GOLGA1: variants seen among roughly 807,000 people sequenced by gnomAD.
GOLGA1 encodes golgin subfamily A member 1.
A neutral mutation model predicts 119.7 loss-of-function variants in GOLGA1; 63 were observed. The ratio of observed to expected loss-of-function variants is 0.53; its 90% CI spans 0.43 to 0.65. GOLGA1 has a LOEUF of 0.65. GOLGA1 is among the 30% of genes least tolerant of loss of function. The pLI, the probability that GOLGA1 is intolerant of heterozygous loss-of-function variation, is 0.00. For synonymous variants in GOLGA1, 318 were observed against 333.4 expected (o/e 0.95, Z 0.50); for missense variants, 798 against 912.8 (o/e 0.87, Z 1.62).
Position 124,888,511 on chromosome 9 carries a change from C to T in GOLGA1, c.1762-115G>A, listed in dbSNP as rs2131373848. The stretch of plus-strand genomic sequence containing the variant: ...CTTAGGTATGGGCGTTGTGCTCCAA[C>T]AGGCAACTGGCCAGGAAGCAATTCC... On this transcript the variant is annotated intron_variant, in intron 18 of 22. Transcript: ENST00000373555. This position sits in a 1 kb window ranked among gnomAD's most constrained non-coding sequence, Gnocchi z 4.4. 1.2e-6 allele frequency: 1 copy of T among 866,646 alleles called. No individual in the cohort carries two copies. The highest frequency in any genetic ancestry group is 1.8e-6 in the Non-Finnish European group (1 of 541,658). The allele number at this position is 866,646 out of a possible 1,614,324, so 53.7% of individuals were successfully genotyped here.
chr9:124,920,892 C>A (rs1830554203), intron 10 of GOLGA1, among the ~76,000 whole-genome samples: 1 of 150,524 alleles, frequency 6.6e-6, no homozygotes, highest in Admixed American at 6.6e-5. Context: ...TTTGAGTCGA[C>A]CAAATGGTGT....
At position 124,888,184 on chromosome 9, in the gene GOLGA1, TG is replaced by T; in HGVS notation, c.1905+68del. Reference sequence around the variant, plus strand: ...ACCACAAAAACCTCCAAGGATGGACTGGGTCATTTTAGGCCTGAGGGTGAGG... The same window carrying T: ...ACCACAAAAACCTCCAAGGATGGACTGGTCATTTTAGGCCTGAGGGTGAGG... On this transcript the variant is annotated intron_variant, in intron 19 of 22. Transcript: ENST00000373555. This position sits in a 1 kb window ranked among gnomAD's most constrained non-coding sequence, Gnocchi z 4.4. 6.9e-7 allele frequency: 1 copy of T among 1,446,662 alleles called. No homozygotes were observed. The highest frequency in any genetic ancestry group is 9.7e-7 in the Non-Finnish European group (1 of 1,031,244). 89.6% of individuals were successfully genotyped at this position (1,446,662 alleles called of 1,614,324 possible).
At chr9:124,919,787 T>C (rs1385436365) in intron 10 of GOLGA1, among the ~76,000 whole-genome samples, 1 of 152,056 alleles carries the variant, frequency 6.6e-6, no homozygotes, top group Non-Finnish European at 1.5e-5. Context: ...TGGATGTCAA[T>C]GACTGAAGGA....
intron 8 of GOLGA1, 103 bp downstream of exon 8, chr9:124,922,990 CAT>C: frequency 1.5e-6 from 1 of 685,072 alleles, no homozygotes; most frequent in Non-Finnish European, 2.5e-6. Context: ...ATTAATATCA[CAT>C]ATTACTGGTG....
At chr9:124,906,430 C>CA (rs972570377) in intron 12 of GOLGA1, among the ~76,000 whole-genome samples, 20 of 141,034 alleles carry the variant, frequency 1.4e-4, no homozygotes, top group Admixed American at 2.2e-4. Flanking sequence ...GACTCTATCT[C>CA]AAAAAAAAAG....
chr9:124,924,655 A>T (rs577087846), intron 7 of GOLGA1, among the ~76,000 whole-genome samples: 154 of 151,624 alleles, frequency 1.0e-3, no homozygotes, highest in African/African-American at 3.7e-3. Flanking sequence ...AAAAAAAGAA[A>T]AAAAGAAAAA....
rs896355866 is a variant in GOLGA1, at chr9:124,946,535, C to T, written c.-156+1383G>A. On this transcript the variant is annotated intron_variant, in intron 1 of 4. Transcript: ENST00000421514. The surrounding 1 kb of genome is among the most constrained non-coding windows in gnomAD (Gnocchi z 4.0). ...AAAAATAACCTCTACTTAATTTCTG[C>T]AGTGAATGTATTTAAGTGTATATTA... is the stretch of plus-strand genomic sequence containing the variant. 2 of 152,112 alleles carry T rather than the reference C, an allele frequency of 1.3e-5. No homozygotes were observed. The highest frequency in any genetic ancestry group is 4.8e-5 in the African/African-American group (2 of 41,424). The allele number at this position is 152,112 out of a possible 1,614,324, so 9.4% of individuals were successfully genotyped here.
intron 15 of GOLGA1, among the ~76,000 whole-genome samples, chr9:124,892,251 G>C (rs1018953992): frequency 3.3e-5 from 5 of 152,052 alleles, no homozygotes; most frequent in African/African-American, 1.2e-4. Flanking sequence ...CACCACGCCG[G>C]GCCCATTTTA....
chr9:124,883,056 C>G (rs1302946567), intron 19 of GOLGA1, among the ~76,000 whole-genome samples: 1 of 152,154 alleles, frequency 6.6e-6, no homozygotes, highest in African/African-American at 2.4e-5. Context: ...CATGGTTTTT[C>G]TGCACAACTC....
intron 4 of GOLGA1, among the ~76,000 whole-genome samples, chr9:124,929,918 T>A (rs1368316536): frequency 6.6e-6 from 1 of 152,198 alleles, no homozygotes; most frequent in Non-Finnish European, 1.5e-5. Flanking sequence ...CCCAACTCTG[T>A]CAGTCCTTAG....
rs1829578492 is a variant in GOLGA1 at position 124,881,413 on chromosome 9, C to A, written c.2137-156G>T. On this transcript the variant is annotated intron_variant, in intron 21 of 22. Coordinates refer to ENST00000373555, the MANE Select transcript of GOLGA1 (RefSeq NM_002077.4). The surrounding 1 kb of genome is among the most constrained non-coding windows in gnomAD (Gnocchi z 4.9). The stretch of plus-strand genomic sequence containing the variant: ...TGAAGTTTGGCAGCAATGATAGGTT[C>A]TTTCTTCCCCTGCATCCTCGGGGGC... Among the ~76,000 whole-genome samples the A allele has an allele frequency of 6.6e-6, 1 of 152,170 alleles. No individual in the cohort carries two copies.
intron 4 of GOLGA1, among the ~76,000 whole-genome samples, chr9:124,929,509 A>C (rs1195330764): frequency 6.6e-6 from 1 of 152,096 alleles, no homozygotes; most frequent in Non-Finnish European, 1.5e-5. Context: ...GAGTACAAAA[A>C]GGCAAGTTTG....
chr9:124,931,449 G>A, intron 3 of GOLGA1, 43 bp from the exon 4 acceptor site: 1 of 916,806 alleles, frequency 1.1e-6, no homozygotes, highest in East Asian at 2.4e-5. Flanking sequence ...ATATATGTGT[G>A]AGACCACAAT....
intron 2 of GOLGA1, 120 bp from the exon 3 acceptor site, chr9:124,938,986 A>G (rs752077052): frequency 3.0e-5 from 9 of 297,910 alleles, no homozygotes; most frequent in African/African-American, 4.4e-5. Context: ...CTTATAGAAC[A>G]CAATTACTAA....
At chr9:124,884,058 C>T (rs1829656749) in intron 19 of GOLGA1, among the ~76,000 whole-genome samples, 1 of 151,770 alleles carries the variant, frequency 6.6e-6, no homozygotes, top group Non-Finnish European at 1.5e-5. Context: ...GTCCCTGAGG[C>T]TGGAGTGCAG....
At chr9:124,899,717 C>T (rs1588069416) in intron 13 of GOLGA1, among the ~76,000 whole-genome samples, 2 of 152,354 alleles carry the variant, frequency 1.3e-5, no homozygotes, top group South Asian at 4.1e-4. Context: ...GGGGACAGCT[C>T]TGGGCACCAG....
At chr9:124,898,473 A>G in intron 15 of GOLGA1, 76 bp downstream of exon 15, 1 of 828,784 alleles carries the variant, frequency 1.2e-6, no homozygotes, top group Non-Finnish European at 2.1e-6. Context: ...TGTAAGTATG[A>G]GAAGTGGGGC....
At chr9:124,920,420 C>A (rs1382765436) in intron 10 of GOLGA1, among the ~76,000 whole-genome samples, 4 of 151,878 alleles carry the variant, frequency 2.6e-5, no homozygotes, top group African/African-American at 4.8e-5. Context: ...ACTTTATATT[C>A]AAAAATATTA....
chr9:124,908,013 G>A (rs1478911526), intron 12 of GOLGA1, among the ~76,000 whole-genome samples: 1 of 152,174 alleles, frequency 6.6e-6, no homozygotes, highest in Non-Finnish European at 1.5e-5. Flanking sequence ...ACAGACAGAA[G>A]TTGAGGCAGC....
Sources: gnomAD v4.1 joint callset for allele counts (sites outside exome capture counted in the v4.1 genomes callset) on GRCh38, gnomAD v4.1.1 for gene constraint, Gnocchi (gnomAD v3.1) non-coding constraint, MANE v1.5 for transcripts, NCBI Gene and HGNC (gene_info 2026-07-23, HGNC 2026-07-21) for gene names.